GLRA3: variants seen among roughly 807,000 people sequenced by gnomAD.
GLRA3 encodes glycine receptor alpha 3.
GLRA3 carries 44 observed loss-of-function variants against 60.4 expected under a neutral mutation model. The ratio of observed to expected loss-of-function variants is 0.73; its 90% CI spans 0.57 to 0.94. GLRA3 has a LOEUF of 0.94. Among genes scored for constraint, GLRA3 ranks in the 40% least tolerant of loss-of-function variants. The probability of loss-of-function intolerance (pLI) is 0.00; values close to 1 mark genes in which losing one functional copy is unlikely to be tolerated. For synonymous variants in GLRA3, 223 were observed against 192.9 expected, an observed-to-expected ratio of 1.16 and a Z score of -1.29; for missense variants, 508 against 564.6, an observed-to-expected ratio of 0.90 and a Z score of 1.02.
chr4:174,784,809 TATA>T (rs1739054905), intron 2 of GLRA3, among the ~76,000 whole-genome samples: 1 of 152,102 alleles, frequency 6.6e-6, no homozygotes, highest in Non-Finnish European at 1.5e-5. Context: ...AGGACTAAGA[TATA>T]ATAGAAATTT....
At chr4:174,684,400 C>A (rs1030086649) in intron 5 of GLRA3, among the ~76,000 whole-genome samples, 1 of 152,104 alleles carries the variant, frequency 6.6e-6, no homozygotes, top group African/African-American at 2.4e-5. Flanking sequence ...AACCTTTGCA[C>A]ATAATATCAG....
intron 5 of GLRA3, among the ~76,000 whole-genome samples, chr4:174,706,125 G>A (rs1735508080): frequency 6.6e-6 from 1 of 152,054 alleles, no homozygotes; most frequent in Non-Finnish European, 1.5e-5. Flanking sequence ...AGCTACTCGG[G>A]AGGCTGAGAC....
intron 1 of GLRA3, among the ~76,000 whole-genome samples, chr4:174,796,032 C>T (rs149979246): frequency 1.4e-3 from 219 of 152,216 alleles, no homozygotes; most frequent in Middle Eastern, 0.01. Context: ...GGTCTCAATG[C>T]CATGAATTTT....
intron 2 of GLRA3, among the ~76,000 whole-genome samples, chr4:174,771,303 G>A (rs1189383689): frequency 1.3e-5 from 2 of 152,068 alleles, no homozygotes; most frequent in Non-Finnish European, 2.9e-5. Flanking sequence ...ACTGTCAGAA[G>A]ATAATTTTTT....
chr4:174,662,252 A>C (rs866806695), intron 7 of GLRA3, among the ~76,000 whole-genome samples: 1 of 152,216 alleles, frequency 6.6e-6, no homozygotes, highest in Non-Finnish European at 1.5e-5. Flanking sequence ...TCATTTGCCA[A>C]GTATTAGAAA....
rs186393221 is a variant in GLRA3, at chr4:174,812,919, G to T, written c.71+15822C>A. On this transcript the variant is annotated intron_variant, in intron 1 of 9. Transcript: ENST00000274093. Reference sequence around the variant, plus strand: ...TAACAGTTCCCCAGGAAACAAAAGGGTTCAGACAGCCTCTAAATTATAGAA... The same window carrying T: ...TAACAGTTCCCCAGGAAACAAAAGGTTTCAGACAGCCTCTAAATTATAGAA... Among the ~76,000 whole-genome samples the T allele has an allele frequency of 9.4e-3, 1,428 of 152,116 alleles. 7 individuals are homozygous for T. Among genetic ancestry groups the T allele is most frequent in the Middle Eastern group, 0.014 (4 of 294 alleles).
intron 7 of GLRA3, among the ~76,000 whole-genome samples, chr4:174,675,272 C>G (rs549728281): frequency 2.0e-5 from 3 of 152,144 alleles, no homozygotes; most frequent in East Asian, 1.9e-4. Flanking sequence ...GAAATTAAAG[C>G]CTTTTAAAAA....
intron 3 of GLRA3, among the ~76,000 whole-genome samples, chr4:174,731,764 G>A (rs571429271): frequency 6.6e-6 from 1 of 152,222 alleles, no homozygotes; most frequent in South Asian, 2.1e-4. Flanking sequence ...ACTGACAGTT[G>A]ATTATTAACA....
intron 5 of GLRA3, among the ~76,000 whole-genome samples, chr4:174,694,926 A>G (rs1373040440): frequency 1.3e-5 from 2 of 152,172 alleles, no homozygotes; most frequent in Non-Finnish European, 2.9e-5. Flanking sequence ...GAAAACAACC[A>G]TCAGAGACTA....
At chr4:174,753,718 A>G (rs541855749) in intron 3 of GLRA3, among the ~76,000 whole-genome samples, 50 of 152,290 alleles carry the variant, frequency 3.3e-4, no homozygotes, top group African/African-American at 1.2e-3. Flanking sequence ...TGACCAGGTA[A>G]TGGTCATTTT....
intron 4 of GLRA3, chr4:174,722,964 C>G (rs1406357350): frequency 1.2e-5 from 2 of 167,380 alleles, no homozygotes; most frequent in East Asian, 3.9e-4. Context: ...GCCGAGAGAC[C>G]ATCTGTTTCA....
chr4:174,770,527 A>G (rs148836091), intron 2 of GLRA3, among the ~76,000 whole-genome samples: 4 of 152,206 alleles, frequency 2.6e-5, no homozygotes, highest in African/African-American at 9.6e-5. Context: ...GTTGCCTATT[A>G]TAAATTCGGT....
rs1324547075 is a variant in GLRA3 at position 174,656,773 on chromosome 4, T to A, written c.1086A>T (p.Ala362=). 29 of 1,586,540 alleles carry A rather than the reference T, an allele frequency of 1.8e-5. No individual in the cohort carries two copies. Among genetic ancestry groups the A allele is most frequent in the Non-Finnish European group, 2.4e-5 (28 of 1,155,440 alleles). ...CTGAGAAACGGTAAAACTTCTCCAG[T>A]GCAAAAGCTTCTGTCTGTGGGAAGG... The part of the protein sequence containing the change: ...RKRKNKTEAF[A]LEKFYRFSDM... The change falls in exon 9 of 10, where the codon GCA becomes GCT. Residue 362 remains alanine (A), a synonymous_variant. Coordinates refer to ENST00000274093, the MANE Select transcript of GLRA3 (RefSeq NM_006529.4).
At chr4:174,645,327 G>T (rs752492539) in intron 9 of GLRA3, among the ~76,000 whole-genome samples, 1 of 150,600 alleles carries the variant, frequency 6.6e-6, no homozygotes, top group Non-Finnish European at 1.5e-5. Flanking sequence ...CAGGAGAATC[G>T]CTTGATCCCT....
rs1732647940 is a variant in GLRA3, at chr4:174,642,421, G to A, written c.*1365C>T. On this transcript the variant is annotated 3_prime_UTR_variant, in exon 10 of 10. Transcript: ENST00000274093. ...TAAAATACCTAAAAAGCATTCCAAA[G>A]CTTTTCCAAATAAATTTATGGTAAA... The A allele has an allele frequency of 2.1e-6, 2 of 966,876 alleles. No individual in the cohort carries two copies. The highest frequency in any genetic ancestry group is 3.5e-5 in the African/African-American group (2 of 56,730). The allele number at this position is 966,876 out of a possible 1,614,324, so 59.9% of individuals were successfully genotyped here.
intron 5 of GLRA3, among the ~76,000 whole-genome samples, chr4:174,712,969 A>G (rs567984627): frequency 6.8e-6 from 1 of 146,604 alleles, no homozygotes; most frequent in South Asian, 2.2e-4. Flanking sequence ...TAATATATGT[A>G]TATATTATAT....
chr4:174,820,170 G>C (rs1389707749), intron 1 of GLRA3, among the ~76,000 whole-genome samples: 1 of 152,018 alleles, frequency 6.6e-6, no homozygotes, highest in Non-Finnish European at 1.5e-5. Context: ...TTTTTTTCTA[G>C]ACATTTTTCC....
At chr4:174,753,918 T>C (rs1737582291) in intron 3 of GLRA3, among the ~76,000 whole-genome samples, 1 of 152,138 alleles carries the variant, frequency 6.6e-6, no homozygotes, top group Non-Finnish European at 1.5e-5. Flanking sequence ...ATAAAGGAGA[T>C]AGCTTATAGA....
chr4:174,659,709 C>G (rs190007680), intron 7 of GLRA3, among the ~76,000 whole-genome samples: 2 of 152,018 alleles, frequency 1.3e-5, no homozygotes, highest in Non-Finnish European at 2.9e-5. Flanking sequence ...CAGTGGCTCA[C>G]GCCTGTAATC....
Sources: allele counts gnomAD v4.1 joint callset (sites outside exome capture counted in the v4.1 genomes callset), GRCh38; gene constraint gnomAD v4.1.1; transcripts MANE v1.5; gene names NCBI Gene and HGNC (gene_info 2026-07-23, HGNC 2026-07-21).